Variants in TMEM44 observed in about 807,000 individuals in gnomAD.
The protein encoded by TMEM44 is transmembrane protein 44.
Under a neutral mutation model 47.8 loss-of-function variants are expected in TMEM44, and 43 were observed. That is an observed-to-expected ratio of 0.90 (90% CI 0.70 to 1.16). The LOEUF (loss-of-function observed/expected upper bound fraction) is 1.16. TMEM44 is among the 50% of genes most tolerant of loss of function. The probability of loss-of-function intolerance (pLI) is 0.00; values close to 1 mark genes in which losing one functional copy is unlikely to be tolerated. For missense variants in TMEM44, 568 were observed against 555.2 expected (o/e 1.02, Z -0.23); for synonymous variants, 277 against 238.8 (o/e 1.16, Z -1.48).
intron 8 of TMEM44, among the ~76,000 whole-genome samples, chr3:194,606,651 A>T (rs1016428900): frequency 2.6e-5 from 4 of 152,220 alleles, no homozygotes; most frequent in African/African-American, 9.6e-5. Flanking sequence ...TAATAATAAT[A>T]GATACAGGCC....
rs763716869 is a variant in TMEM44, at chr3:194,611,072, C to T, written c.913-52G>A. The T allele has an allele frequency of 6.7e-7, 1 of 1,500,402 alleles. No individual in the cohort carries two copies. The highest frequency in any genetic ancestry group is 2.3e-5 in the East Asian group (1 of 44,276). The allele number at this position is 1,500,402 out of a possible 1,614,324, so 92.9% of individuals were successfully genotyped here. A position where few individuals can be genotyped will look rare whatever the true frequency, so the allele number is the denominator to read the frequency against. ...AAGGGGAATTCTCAAAGTCAGGAGG[C>T]ATTTTCTAAAAACAAGGTCACATTT... is the stretch of plus-strand genomic sequence containing the variant. On this transcript the variant is annotated intron_variant, in intron 7 of 9. Transcript: ENST00000347147. This position sits in a 1 kb window ranked among gnomAD's most constrained non-coding sequence, Gnocchi z 4.2.
At chr3:194,623,077 C>T (rs1372713712) in intron 5 of TMEM44, 147 bp downstream of exon 5, 3 of 730,966 alleles carry the variant, frequency 4.1e-6, no homozygotes, top group Non-Finnish European at 6.4e-6. Context: ...TGCTGTCATA[C>T]ACACTAACGC....
In TMEM44 at chr3:194,588,388, A is replaced by G. The variant is rs1712120584; in HGVS notation, c.*141T>C. Reference sequence around the variant, plus strand: ...ATGAGCTATGATGTAGCCCAGCCACACTCAGTGACGGCTCCTGGTTCCTCA... The same window carrying G: ...ATGAGCTATGATGTAGCCCAGCCACGCTCAGTGACGGCTCCTGGTTCCTCA... On this transcript the variant is annotated 3_prime_UTR_variant, in exon 10 of 10. Transcript: ENST00000347147. The G allele has an allele frequency of 5.8e-6, 4 of 688,208 alleles. No homozygotes were observed. The highest frequency in any genetic ancestry group is 2.6e-5 in the Admixed American group (1 of 38,698). 42.6% of individuals were successfully genotyped at this position (688,208 alleles called of 1,614,324 possible). A position where few individuals can be genotyped will look rare whatever the true frequency, so the allele number is the denominator to read the frequency against.
rs1157567717 is a variant in TMEM44 at position 194,594,137 on chromosome 3, A to ATCTGTCTGTCTGTCTGTCTG, written c.1177-5499_1177-5498insCAGACAGACAGACAGACAGA. Among the ~76,000 whole-genome samples, 142 of 145,848 alleles carry ATCTGTCTGTCTGTCTGTCTG rather than the reference A, an allele frequency of 9.7e-4. 1 individual carries two copies. The highest frequency in any genetic ancestry group is 1.5e-3 in the South Asian group (7 of 4,594). On this transcript the variant is annotated intron_variant, in intron 9 of 9. Transcript: ENST00000347147. ...TAATTTTCTATCTATCTATCTATCT[A>ATCTGTCTGTCTGTCTGTCTG]TCTATCTATCTATCTATCTATCTAT...
At chr3:194,594,111 C>G (rs971154983) in intron 9 of TMEM44, among the ~76,000 whole-genome samples, 28 of 150,544 alleles carry the variant, frequency 1.9e-4, no homozygotes, top group African/African-American at 6.9e-4. Context: ...AGCACCTGGC[C>G]TAATTTTCTA....
chr3:194,591,808 C>T (rs969147085), intron 9 of TMEM44, among the ~76,000 whole-genome samples: 15 of 151,918 alleles, frequency 9.9e-5, no homozygotes, highest in Non-Finnish European at 2.2e-4. Context: ...GATCTCGCCA[C>T]GTTGGCCAGA....
Position 194,588,636 on chromosome 3 carries a change from C to T in TMEM44, c.1180G>A (p.Asp394Asn). The part of the protein sequence containing the change: ...VSSINSDLEW[D>N]PEDVNLEGSK... Reference sequence around the variant, plus strand: ...CCTTCGAGGTTCACATCTTCAGGGTCCCACTATGGAGAAAAGATGCAAAGG... The same window carrying T: ...CCTTCGAGGTTCACATCTTCAGGGTTCCACTATGGAGAAAAGATGCAAAGG... The change falls in exon 10 of 10, where the codon GAC becomes AAC. Residue 394 changes from aspartate to asparagine, a missense_variant. Coordinates refer to ENST00000347147, the MANE Select transcript of TMEM44 (RefSeq NM_001011655.3). 6.2e-7 allele frequency: 1 copy of T among 1,614,012 alleles called. No homozygotes were observed. The highest frequency in any genetic ancestry group is 1.1e-5 in the South Asian group (1 of 91,080).
Position 194,602,945 on chromosome 3 carries a change from C to T in TMEM44, c.1176+1342G>A, listed in dbSNP as rs115325913. Reference sequence around the variant, plus strand: ...CAAACCAAAAACTCAACACCAACTACTGCTTACTATTACCATTCTTTCCTA... The same window carrying T: ...CAAACCAAAAACTCAACACCAACTATTGCTTACTATTACCATTCTTTCCTA... On this transcript the variant is annotated intron_variant, in intron 9 of 9. Coordinates refer to ENST00000347147, the MANE Select transcript of TMEM44 (RefSeq NM_001011655.3). Among the ~76,000 whole-genome samples, 1,013 of 152,352 alleles carry T rather than the reference C, an allele frequency of 6.6e-3. 14 individuals are homozygous for T. Among genetic ancestry groups the T allele is most frequent in the African/African-American group, 0.023 (952 of 41,584 alleles).
In TMEM44 at chr3:194,633,248, A is replaced by T; in HGVS notation, c.-33T>A. The T allele has an allele frequency of 8.5e-7, 1 of 1,174,568 alleles. No homozygotes were observed. The highest frequency in any genetic ancestry group is 1.1e-6 in the Non-Finnish European group (1 of 940,186). 72.8% of individuals were successfully genotyped at this position (1,174,568 alleles called of 1,614,324 possible). On this transcript the variant is annotated 5_prime_UTR_variant, in exon 1 of 10. Transcript: ENST00000347147. The stretch of plus-strand genomic sequence containing the variant: ...CTGGGCGCGCGGCGCGGGGCCGGGG[A>T]CCTGGGCGCAGCCTCCCTCGCCGCG...
chr3:194,631,052 G>A (rs1717766036), intron 1 of TMEM44, among the ~76,000 whole-genome samples: 1 of 150,996 alleles, frequency 6.6e-6, no homozygotes, highest in Non-Finnish European at 1.5e-5. Context: ...CACTGATAGG[G>A]CCTCTGAAAT....
In TMEM44 at chr3:194,625,916, G is replaced by T. The variant is rs759509634; in HGVS notation, c.339C>A (p.Ser113=). The T allele has an allele frequency of 6.2e-7, 1 of 1,613,552 alleles. No homozygotes were observed. Among genetic ancestry groups the T allele is most frequent in the Admixed American group, 1.7e-5 (1 of 60,008 alleles). ...ACTCACCTGAATTAGACTTGAATTT[G>T]GATCCACAGACTGGGAAGAGAATGA... ...FMFILFPVCG[S]KFKSNSDREA... Residue 113 remains serine (S), a synonymous_variant, in exon 3 of 10, where the codon TCC becomes TCA. Transcript: ENST00000347147.
intron 2 of TMEM44, among the ~76,000 whole-genome samples, chr3:194,627,382 C>T (rs1174155121): frequency 6.6e-6 from 1 of 152,154 alleles, no homozygotes; most frequent in Non-Finnish European, 1.5e-5. Context: ...GAGGTGCCTC[C>T]GCAGGAGGGC....
chr3:194,630,873 C>A (rs533878226), intron 1 of TMEM44, among the ~76,000 whole-genome samples: 1 of 146,204 alleles, frequency 6.8e-6, no homozygotes, highest in Non-Finnish European at 1.5e-5. Flanking sequence ...ACCTGCCTCC[C>A]GAAGGGGCTG....
At chr3:194,620,405 GC>G (rs1015772990) in intron 5 of TMEM44, among the ~76,000 whole-genome samples, 3 of 151,748 alleles carry the variant, frequency 2.0e-5, no homozygotes, top group Non-Finnish European at 2.9e-5. Context: ...CCCCCACACA[GC>G]CCTTCTGATT....
intron 5 of TMEM44, chr3:194,617,758 CCA>C: frequency 2.8e-6 from 2 of 703,702 alleles, no homozygotes; most frequent in Non-Finnish European, 5.2e-6. Context: ...GTCGTAATCC[CCA>C]GTGTCGGAGG....
Position 194,625,798 on chromosome 3 carries a change from C to T in TMEM44, c.358+99G>A, listed in dbSNP as rs9842619. On this transcript the variant is annotated intron_variant, in intron 3 of 9. Coordinates refer to ENST00000347147, the MANE Select transcript of TMEM44 (RefSeq NM_001011655.3). Reference sequence around the variant, plus strand: ...CCCAGCCTTTCTCCTTTGTTTGTGCCTGGCTGGGGCCCGCTCTGGGAGTGA... The same window carrying T: ...CCCAGCCTTTCTCCTTTGTTTGTGCTTGGCTGGGGCCCGCTCTGGGAGTGA... The T allele has an allele frequency of 7.2e-4, 798 of 1,114,608 alleles. 3 individuals carry two copies. In the African/African-American group the frequency reaches 0.011, roughly 15 times the overall value. The allele number at this position is 1,114,608 out of a possible 1,614,324, so 69.0% of individuals were successfully genotyped here. A position where few individuals can be genotyped will look rare whatever the true frequency, so the allele number is the denominator to read the frequency against.
At chr3:194,623,447 C>T (rs1001804601) in intron 4 of TMEM44, 82 bp downstream of exon 4, 1 of 1,514,016 alleles carries the variant, frequency 6.6e-7, no homozygotes, top group Non-Finnish European at 8.9e-7. Flanking sequence ...ACCCCACTCC[C>T]CTAGCCCCGG....
At chr3:194,631,749 G>A (rs1456530840) in intron 1 of TMEM44, among the ~76,000 whole-genome samples, 1 of 152,152 alleles carries the variant, frequency 6.6e-6, no homozygotes, top group Non-Finnish European at 1.5e-5. Flanking sequence ...TGGGGCCAGG[G>A]TGCCAGCTGA....
intron 3 of TMEM44, among the ~76,000 whole-genome samples, chr3:194,624,125 C>A (rs569156033): frequency 6.6e-6 from 1 of 152,176 alleles, no homozygotes; most frequent in African/African-American, 2.4e-5. Flanking sequence ...GGGAACTGTG[C>A]GCGGGACAAA....
Sources: allele counts gnomAD v4.1 joint callset (sites outside exome capture counted in the v4.1 genomes callset), GRCh38; gene constraint gnomAD v4.1.1; non-coding constraint Gnocchi (gnomAD v3.1); transcripts MANE v1.5; gene names NCBI Gene and HGNC (gene_info 2026-07-23, HGNC 2026-07-21).